The following HSD17B10 variants were observed in gnomAD, a reference collection of about 807,000 sequenced individuals.
HSD17B10 encodes hydroxysteroid 17-beta dehydrogenase 10.
For synonymous variants in HSD17B10, 90 were observed against 85.9 expected, an observed-to-expected ratio of 1.05 and a Z score of -0.26; for missense variants, 87 against 219.4, an observed-to-expected ratio of 0.40 and a Z score of 3.81.
chrX:53,432,030 C>T lies in HSD17B10; in HGVS notation c.444G>A (p.Gly148=), dbSNP rs781883925. The part of the protein sequence containing the change: ...QNEPDQGGQR[G]VIINTASVAA... Reference sequence around the variant, plus strand: ...CCACACTGGCAGTGTTGATGATGACCCCACGTTGGCCTCCCTGGTCTGGTT... The same window carrying T: ...CCACACTGGCAGTGTTGATGATGACTCCACGTTGGCCTCCCTGGTCTGGTT... Residue 148 remains glycine, a synonymous_variant, in exon 4 of 6, where the codon GGG becomes GGA. Coordinates refer to ENST00000168216, the MANE Select transcript of HSD17B10 (RefSeq NM_004493.3). The T allele has an allele frequency of 8.3e-7, 1 of 1,209,544 alleles. No homozygotes were observed. Among genetic ancestry groups the T allele is most frequent in the Non-Finnish European group, 1.1e-6 (1 of 895,054 alleles).
intron 1 of HSD17B10, 98 bp from the exon 2 acceptor site, chrX:53,433,984 GA>G: frequency 2.1e-6 from 2 of 971,145 alleles, no homozygotes; most frequent in Non-Finnish European, 2.9e-6. Context: ...GAGAAGGGGG[GA>G]GGGGAGAGGT....
rs781982912 is a variant in HSD17B10, at chrX:53,432,265, G to A, written c.339C>T (p.Asp113=). The part of the protein sequence containing the change: ...LKKGQTHTLE[D]FQRVLDVNLM... The stretch of plus-strand genomic sequence containing the variant: ...GCCTTACATCAAGAACTCGCTGGAA[G>A]TCTTCCAAGGTATGGGTCTGGCCCT... The change falls in exon 3 of 6, where the codon GAC becomes GAT. Residue 113 remains aspartate (D), a synonymous_variant. Coordinates refer to ENST00000168216, the MANE Select transcript of HSD17B10 (RefSeq NM_004493.3). 8.3e-7 allele frequency: 1 copy of A among 1,210,348 alleles called. No homozygotes were observed. The highest frequency in any genetic ancestry group is 3.0e-5 in the East Asian group (1 of 33,815).
chrX:53,432,182 T>C (rs782212120), intron 3 of HSD17B10, 65 bp downstream of exon 3: 22 of 1,206,129 alleles, frequency 1.8e-5, no homozygotes, highest in Non-Finnish European at 2.0e-5. Context: ...CCTAAAAACT[T>C]TGGGGTCCTC....
At chrX:53,431,644 C>G (rs1556894530) in intron 5 of HSD17B10, 50 bp from the exon 6 acceptor site, 1 of 1,098,539 alleles carries the variant, frequency 9.1e-7, no homozygotes, top group East Asian at 3.2e-5. Flanking sequence ...TCATGATTAC[C>G]TGGTTCTTCC....
At position 53,434,365 on chromosome X, in the gene HSD17B10, C is replaced by T. The variant is rs1556895085; in HGVS notation, c.-20G>A. The T allele has an allele frequency of 1.7e-6, 2 of 1,167,719 alleles. No individual in the cohort carries two copies. The highest frequency in any genetic ancestry group is 1.9e-5 in the South Asian group (1 of 52,772). On this transcript the variant is annotated 5_prime_UTR_variant, in exon 1 of 6. The change creates a new upstream start codon in the 5' untranslated region. Transcript: ENST00000168216. ...TGCCATCTTGTCGCCGGCCACTCCACGGGATGGGGATGGGGGCGCGGGCGC... is the reference window on the plus strand; with the variant it reads ...TGCCATCTTGTCGCCGGCCACTCCATGGGATGGGGATGGGGGCGCGGGCGC...
chrX:53,434,334 C>T lies in HSD17B10; in HGVS notation c.12G>A (p.Ala4=). MAA[A]CRSVKGLVAV... is the part of the protein sequence containing the mutation. The stretch of plus-strand genomic sequence containing the variant: ...AACCTTCTACCTTCACGCTCCGACA[C>T]GCTGCTGCCATCTTGTCGCCGGCCA... The change falls in exon 1 of 6, where the codon GCG becomes GCA. Residue 4 remains alanine, a synonymous_variant. Transcript: ENST00000168216. The T allele has an allele frequency of 8.6e-7, 1 of 1,168,687 alleles. No individual in the cohort carries two copies. Among genetic ancestry groups the T allele is most frequent in the Non-Finnish European group, 1.1e-6 (1 of 873,320 alleles).
In HSD17B10 at chrX:53,433,997, G is replaced by A. The variant is rs782555964; in HGVS notation, c.28-111C>T. 4.5e-6 allele frequency: 4 copies of A among 892,054 alleles called. No homozygotes were observed. The South Asian group carries it at 8.7e-5, about 19-fold the overall frequency. 73.5% of individuals were successfully genotyped at this position (892,054 alleles called of 1,213,427 possible). The stretch of plus-strand genomic sequence containing the variant: ...AGGAGAAGGGGGGAGGGGAGAGGTC[G>A]TGGTCACCCCTGCGGGTAAACTAGG... On this transcript the variant is annotated intron_variant, in intron 1 of 5. Coordinates refer to ENST00000168216, the MANE Select transcript of HSD17B10 (RefSeq NM_004493.3).
intron 3 of HSD17B10, 25 bp downstream of exon 3, chrX:53,432,222 C>T (rs782314873): frequency 1.7e-6 from 2 of 1,208,056 alleles, no homozygotes; most frequent in Non-Finnish European, 2.2e-6. Context: ...CTACCACTAT[C>T]CCTGGAGAAC....
chrX:53,433,994 G>T, intron 1 of HSD17B10, 108 bp from the exon 2 acceptor site: 1 of 916,068 alleles, frequency 1.1e-6, no homozygotes, highest in Non-Finnish European at 1.5e-6. Flanking sequence ...GAGGGGAGAG[G>T]TCGTGGTCAC....
rs2075824531 is a variant in HSD17B10, at chrX:53,431,452, G to A, written c.738C>T (p.Leu246=). 1 of 1,210,933 alleles carries A rather than the reference G, an allele frequency of 8.3e-7. No individual in the cohort carries two copies. Among genetic ancestry groups the A allele is most frequent in the Non-Finnish European group, 1.1e-6 (1 of 895,003 alleles). Residue 246 remains leucine, a synonymous_variant, in exon 6 of 6, where the codon CTC becomes CTT. Coordinates refer to ENST00000168216, the MANE Select transcript of HSD17B10 (RefSeq NM_004493.3). The part of the protein sequence containing the change: ...LVQAIIENPF[L]NGEVIRLDGA... ...CATCCAGCCGGATGACCTCTCCATT[G>A]AGGAATGGGTTCTCGATGATGGCCT...
At position 53,431,914 on chromosome X, in the gene HSD17B10, AAG is replaced by A; in HGVS notation, c.487-10_487-9del. ...GTATGCAGCTTGTCCAACCTGGAGA[AAG>A]AGTAGAAGTCATAGGTGGGAGGGCC... On this transcript the variant is annotated splice_polypyrimidine_tract_variant and intron_variant, in intron 4 of 5. Transcript: ENST00000168216. The A allele has an allele frequency of 8.3e-7, 1 of 1,209,604 alleles. No homozygotes were observed.
Position 53,431,874 on chromosome X carries a change from C to T in HSD17B10, c.519G>A (p.Gly173=). Residue 173 remains glycine, a synonymous_variant, in exon 5 of 6, where the codon GGG becomes GGA. Transcript: ENST00000168216. ...TGGGCAGTGTCATGCCCACTATTCC[C>T]CCCTTGGAAGCAGAGTATGCAGCTT... ...VGQAAYSASK[G]GIVGMTLPIA... is the part of the protein sequence containing the mutation. 8.3e-7 allele frequency: 1 copy of T among 1,211,170 alleles called. No homozygotes were observed. Among genetic ancestry groups the T allele is most frequent in the Non-Finnish European group, 1.1e-6 (1 of 895,083 alleles).
Position 53,433,818 on chromosome X carries a change from C to T in HSD17B10, c.96G>A (p.Gly32=). The T allele has an allele frequency of 8.3e-7, 1 of 1,210,918 alleles. No individual in the cohort carries two copies. Among genetic ancestry groups the T allele is most frequent in the Non-Finnish European group, 1.1e-6 (1 of 894,535 alleles). Residue 32 remains glycine (G), a synonymous_variant, in exon 2 of 6, where the codon GGG becomes GGA. Coordinates refer to ENST00000168216, the MANE Select transcript of HSD17B10 (RefSeq NM_004493.3). ...CCAGAAGCACAGCAGAGGCTCCCTGCCCCACAAGTCGCTCCGCCGTGGCCA... is the reference window on the plus strand; with the variant it reads ...CCAGAAGCACAGCAGAGGCTCCCTGTCCCACAAGTCGCTCCGCCGTGGCCA... ...LGLATAERLV[G]QGASAVLLDL...
chrX:53,434,153 T>C (rs1394303929), intron 1 of HSD17B10, 166 bp downstream of exon 1: 5 of 585,327 alleles, frequency 8.5e-6, no homozygotes, highest in South Asian at 4.9e-5. Context: ...GACAGACAGA[T>C]GCGCCGCGGA....
Position 53,433,823 on chromosome X carries a change from C to T in HSD17B10, c.91G>A (p.Val31Met). 1 of 1,211,484 alleles carries T rather than the reference C, an allele frequency of 8.3e-7. No individual in the cohort carries two copies. The highest frequency in any genetic ancestry group is 1.1e-6 in the Non-Finnish European group (1 of 895,056). The change falls in exon 2 of 6, where the codon GTG becomes ATG. Residue 31 changes from valine (V) to methionine (M), a missense_variant. Coordinates refer to ENST00000168216, the MANE Select transcript of HSD17B10 (RefSeq NM_004493.3). ...GLGLATAERL[V>M]GQGASAVLLD... ...AGCACAGCAGAGGCTCCCTGCCCCA[C>T]AAGTCGCTCCGCCGTGGCCAGGCCC...
rs965610533 is a variant in HSD17B10 at position 53,432,318 on chromosome X, C to T, written c.286G>A (p.Val96Met). 5.8e-6 allele frequency: 7 copies of T among 1,208,965 alleles called. No homozygotes were observed. The highest frequency in any genetic ancestry group is 7.8e-6 in the Non-Finnish European group (7 of 894,348). ...DVAVNCAGIA[V>M]ASKTYNLKKG... ...TTTAAGTTGTACGTCTTGCTAGCCA[C>T]CGCGATGCCTGCACAGTTGACAGCT... Residue 96 changes from valine (V) to methionine (M), a missense_variant, in exon 3 of 6, where the codon GTG becomes ATG. Val to Met is a conservative substitution (Grantham distance 21, BLOSUM62 1). Transcript: ENST00000168216.
chrX:53,431,346 A>G lies in HSD17B10; in HGVS notation c.*58T>C, dbSNP rs1341993225. 3 of 1,082,248 alleles carry G rather than the reference A, an allele frequency of 2.8e-6. No homozygotes were observed. The highest frequency in any genetic ancestry group is 3.7e-5 in the African/African-American group (2 of 54,517). 89.2% of individuals were successfully genotyped at this position (1,082,248 alleles called of 1,213,427 possible). ...TACTGGGCTTCCTCCCAAGCTGGAG[A>G]GTAGTACCCCAGGGAAAGGAAGGGC... On this transcript the variant is annotated 3_prime_UTR_variant, in exon 6 of 6. Coordinates refer to ENST00000168216, the MANE Select transcript of HSD17B10 (RefSeq NM_004493.3).
chrX:53,433,996 C>A, intron 1 of HSD17B10, 110 bp from the exon 2 acceptor site: 1 of 893,087 alleles, frequency 1.1e-6, no homozygotes, highest in South Asian at 2.2e-5. Flanking sequence ...GGGGAGAGGT[C>A]GTGGTCACCC....
At position 53,431,877 on chromosome X, in the gene HSD17B10, C is replaced by T. The variant is rs1556894563; in HGVS notation, c.516G>A (p.Lys172=). ...GCAGTGTCATGCCCACTATTCCCCC[C>T]TTGGAAGCAGAGTATGCAGCTTGTC... is the stretch of plus-strand genomic sequence containing the variant. ...QVGQAAYSAS[K]GGIVGMTLPI... Residue 172 remains lysine, a synonymous_variant, in exon 5 of 6, where the codon AAG becomes AAA. Transcript: ENST00000168216. 1 of 1,211,264 alleles carries T rather than the reference C, an allele frequency of 8.3e-7. No individual in the cohort carries two copies. The highest frequency in any genetic ancestry group is 1.1e-6 in the Non-Finnish European group (1 of 895,113).
Sources: allele counts gnomAD v4.1 joint callset, GRCh38; gene constraint gnomAD v4.1.1; transcripts MANE v1.5; gene names NCBI Gene and HGNC (gene_info 2026-07-23, HGNC 2026-07-21).